Variants in ETHE1 observed in about 807,000 individuals in gnomAD.
ETHE1 encodes the protein ETHE1 persulfide dioxygenase, also known as persulfide dioxygenase ETHE1, mitochondrial.
In ETHE1, 16 loss-of-function variants were observed where a neutral mutation model predicts 25.7. The observed-to-expected ratio is 0.62, with a 90% CI of 0.42 to 0.95. The LOEUF (loss-of-function observed/expected upper bound fraction) is 0.95, where lower values mean the gene tolerates loss of function less well. Ranked by LOEUF, ETHE1 falls within the 40% of genes least tolerant of loss-of-function variation. ETHE1 has a pLI of 0.00. For missense variants in ETHE1, 300 were observed against 333.6 expected, an observed-to-expected ratio of 0.90 and a Z score of 0.79; for synonymous variants, 139 against 135.9, an observed-to-expected ratio of 1.02 and a Z score of -0.16.
chr19:43,526,636 G>C lies in ETHE1; in HGVS notation c.105C>G (p.Thr35=). 2 of 1,614,026 alleles carry C rather than the reference G, an allele frequency of 1.2e-6. No homozygotes were observed. Among genetic ancestry groups the C allele is most frequent in the Non-Finnish European group, 1.7e-6 (2 of 1,180,018 alleles). Residue 35 remains threonine, a synonymous_variant, in exon 2 of 7, where the codon ACC becomes ACG. Transcript: ENST00000292147. ...CTCTGTCACCCAGCAGGTACGTGAA[G>C]GTGCAGCTCACAGGCTCGAACATCT... ...LRQMFEPVSC[T]FTYLLGDRES...
intron 3 of ETHE1, among the ~76,000 whole-genome samples, chr19:43,515,782 G>A (rs1972008132): frequency 6.6e-6 from 1 of 152,078 alleles, no homozygotes; most frequent in Admixed American, 6.6e-5. Context: ...CACCATGTTG[G>A]TCAGGCTGGT....
chr19:43,527,107 A>T lies in ETHE1; in HGVS notation c.71T>A (p.Leu24His). ...SQRGGSGAPI[L>H]LRQMFEPVSC... ...TCCAGCCACCCGCACCTGCCGCAGGAGGATGGGGGCTCCAGACCCGCCGCG... is the reference window on the plus strand; with the variant it reads ...TCCAGCCACCCGCACCTGCCGCAGGTGGATGGGGGCTCCAGACCCGCCGCG... Residue 24 changes from leucine (L) to histidine (H), a missense_variant, in exon 1 of 7, where the codon CTC becomes CAC. By Grantham distance (99) the Leu-to-His change is moderately conservative. Transcript: ENST00000292147. 1 of 1,557,454 alleles carries T rather than the reference A, an allele frequency of 6.4e-7. No individual in the cohort carries two copies. Among genetic ancestry groups the T allele is most frequent in the Non-Finnish European group, 8.7e-7 (1 of 1,154,050 alleles).
chr19:43,514,142 C>G (rs1159076021), intron 3 of ETHE1, among the ~76,000 whole-genome samples: 1 of 151,884 alleles, frequency 6.6e-6, no homozygotes, highest in African/African-American at 2.4e-5. Context: ...TGGGAGCGAC[C>G]AAAGTGGAAT....
At chr19:43,526,469 G>GCAGCC in intron 2 of ETHE1, 46 bp downstream of exon 2, 1 of 1,604,914 alleles carries the variant, frequency 6.2e-7, no homozygotes, top group Non-Finnish European at 8.5e-7. Flanking sequence ...CACTGACGCT[G>GCAGCC]CAGCCCAGCC....
chr19:43,517,247 G>A (rs1014034647), intron 3 of ETHE1, among the ~76,000 whole-genome samples: 3 of 149,914 alleles, frequency 2.0e-5, no homozygotes, highest in South Asian at 4.3e-4. Context: ...TAAAATACAA[G>A]GCTTTGTGTT....
In ETHE1 at chr19:43,508,869, G is replaced by C. The variant is rs775636809; in HGVS notation, c.506-5C>G. ...GGTACAAGGTCTTGGCACAGCCTGG[G>C]GAAGGAAAGATCAGAGGTCAGTGGA... On this transcript the variant is annotated splice_region_variant and splice_polypyrimidine_tract_variant and intron_variant, in intron 4 of 6. Transcript: ENST00000292147. 1.9e-6 allele frequency: 3 copies of C among 1,600,526 alleles called. No individual in the cohort carries two copies. In the South Asian group the frequency reaches 3.4e-5, roughly 18 times the overall value.
chr19:43,514,004 G>A (rs1971971679), intron 3 of ETHE1, among the ~76,000 whole-genome samples: 1 of 152,148 alleles, frequency 6.6e-6, no homozygotes, highest in Admixed American at 6.6e-5. Flanking sequence ...TAACAGGTGT[G>A]AGCCACCATG....
At chr19:43,522,709 G>A (rs1313358513) in intron 3 of ETHE1, among the ~76,000 whole-genome samples, 1 of 152,122 alleles carries the variant, frequency 6.6e-6, no homozygotes, top group Non-Finnish European at 1.5e-5. Flanking sequence ...TCGAACTCCT[G>A]ACCTCAGGTG....
intron 4 of ETHE1, among the ~76,000 whole-genome samples, 168 bp from the exon 5 acceptor site, chr19:43,509,032 G>C (rs553318095): frequency 6.6e-6 from 1 of 152,334 alleles, no homozygotes; most frequent in Admixed American, 6.5e-5. Flanking sequence ...ATTCTAGGCA[G>C]ATGGAACAGC....
Position 43,526,295 on chromosome 19 carries a change from A to T in ETHE1, c.281T>A (p.Leu94His), listed in dbSNP as rs368170094. The T allele has an allele frequency of 6.2e-7, 1 of 1,613,954 alleles. No individual in the cohort carries two copies. Among genetic ancestry groups the T allele is most frequent in the Non-Finnish European group, 8.5e-7 (1 of 1,180,020 alleles). Reference protein sequence around the residue: ...HITGSGLLRSLLPGCQSVISR... With the variant: ...HITGSGLLRSHLPGCQSVISR... Reference sequence around the variant, plus strand: ...GATGACAGACTGGCAGCCAGGGAGGAGGGAACGGAGCAGCCCCGAGCCTGT... The same window carrying T: ...GATGACAGACTGGCAGCCAGGGAGGTGGGAACGGAGCAGCCCCGAGCCTGT... The change falls in exon 3 of 7, where the codon CTC becomes CAC. Residue 94 changes from leucine to histidine, a missense_variant. Coordinates refer to ENST00000292147, the MANE Select transcript of ETHE1 (RefSeq NM_014297.5).
intron 1 of ETHE1, 141 bp downstream of exon 1, chr19:43,526,956 C>T: frequency 6.6e-7 from 1 of 1,523,534 alleles, no homozygotes; most frequent in Non-Finnish European, 8.8e-7. Flanking sequence ...ACCCAAGAGT[C>T]CAGCCCTAAA....
At position 43,509,464 on chromosome 19, in the gene ETHE1, T is replaced by C. The variant is rs1478042521; in HGVS notation, c.506-600A>G. Among the ~76,000 whole-genome samples, 7 of 137,534 alleles carry C rather than the reference T, an allele frequency of 5.1e-5. No homozygotes were observed. The East Asian group carries it at 1.5e-3, about 30-fold the overall frequency. The allele number at this position is 137,534 out of a possible 152,430, so 90.2% of individuals were successfully genotyped here. A position where few individuals can be genotyped will look rare whatever the true frequency, so the allele number is the denominator to read the frequency against. Reference sequence around the variant, plus strand: ...GTGAGCCAAGATCACACCACTGCCCTCCAGCCTGGGAGATAGAGCGCGGCT... The same window carrying C: ...GTGAGCCAAGATCACACCACTGCCCCCCAGCCTGGGAGATAGAGCGCGGCT... On this transcript the variant is annotated intron_variant, in intron 4 of 6. Coordinates refer to ENST00000292147, the MANE Select transcript of ETHE1 (RefSeq NM_014297.5).
chr19:43,527,009 G>A, intron 1 of ETHE1, 88 bp downstream of exon 1: 1 of 1,537,400 alleles, frequency 6.5e-7, no homozygotes, highest in Non-Finnish European at 8.7e-7. Flanking sequence ...GGGTCCCCCC[G>A]GATCTCTCCC....
At chr19:43,519,291 C>T (rs978592110) in intron 3 of ETHE1, among the ~76,000 whole-genome samples, 2 of 152,020 alleles carry the variant, frequency 1.3e-5, no homozygotes, top group Non-Finnish European at 2.9e-5. Context: ...GGATTACAGG[C>T]GTGAGCCACC....
At chr19:43,509,944 T>G (rs1415936122) in intron 4 of ETHE1, among the ~76,000 whole-genome samples, 3 of 152,158 alleles carry the variant, frequency 2.0e-5, no homozygotes, top group African/African-American at 7.2e-5. Flanking sequence ...CCTAAATCCT[T>G]CAGCTTCCTG....
At chr19:43,519,275 G>C (rs1189218638) in intron 3 of ETHE1, among the ~76,000 whole-genome samples, 1 of 152,066 alleles carries the variant, frequency 6.6e-6, no homozygotes, top group East Asian at 1.9e-4. Flanking sequence ...GCTTCCCAAA[G>C]TGCCAGGATT....
At chr19:43,511,329 C>A in intron 4 of ETHE1, 108 bp downstream of exon 4, 1 of 1,523,402 alleles carries the variant, frequency 6.6e-7, no homozygotes, top group Non-Finnish European at 9.1e-7. Context: ...AATACTGAAG[C>A]CCCCTAAAAG....
rs902352738 is a variant in ETHE1 at position 43,508,027 on chromosome 19, G to A, written c.629C>T (p.Thr210Ile). ...FTVSTVEEER[T>I]LNPRLTLSCE... ...GCTGAGGGTGAGCCGAGGGTTCAGAGTCCTCTCCTCCTCCACGGTGGACAC... is the reference window on the plus strand; with the variant it reads ...GCTGAGGGTGAGCCGAGGGTTCAGAATCCTCTCCTCCTCCACGGTGGACAC... Residue 210 changes from threonine (T) to isoleucine (I), a missense_variant, in exon 6 of 7, where the codon ACT becomes ATT. Transcript: ENST00000292147. 3 of 1,614,122 alleles carry A rather than the reference G, an allele frequency of 1.9e-6. No homozygotes were observed. In the South Asian group the frequency reaches 3.3e-5, roughly 18 times the overall value.
At chr19:43,526,945 G>T (rs1398416148) in intron 1 of ETHE1, 152 bp downstream of exon 1, 6 of 1,514,104 alleles carry the variant, frequency 4.0e-6, no homozygotes, top group African/African-American at 1.4e-5. Context: ...ACCTTTAAAG[G>T]ACCCAAGAGT....
Sources: gnomAD v4.1 joint callset for allele counts (sites outside exome capture counted in the v4.1 genomes callset) on GRCh38, gnomAD v4.1.1 for gene constraint, MANE v1.5 for transcripts, NCBI Gene and HGNC (gene_info 2026-07-23, HGNC 2026-07-21) for gene names.